The following HIPK2 variants were observed in gnomAD, a reference collection of about 807,000 sequenced individuals.
HIPK2 encodes homeodomain-interacting protein kinase 2.
HIPK2 carries 27 observed loss-of-function variants against 113.7 expected under a neutral mutation model. The observed-to-expected ratio is 0.24, with a 90% CI of 0.17 to 0.33. The LOEUF (loss-of-function observed/expected upper bound fraction) is 0.33, where lower values mean the gene tolerates loss of function less well. Ranked by LOEUF, HIPK2 falls within the 10% of genes least tolerant of loss-of-function variation. The pLI, the probability that HIPK2 is intolerant of heterozygous loss-of-function variation, is 1.00. For synonymous variants in HIPK2, 631 were observed against 642.2 expected, an observed-to-expected ratio of 0.98 and a Z score of 0.26; for missense variants, 1,257 against 1,588.0, an observed-to-expected ratio of 0.79 and a Z score of 3.54.
At chr7:139,695,673 C>T (rs1455914221) in intron 2 of HIPK2, among the ~76,000 whole-genome samples, 3 of 151,954 alleles carry the variant, frequency 2.0e-5, no homozygotes, top group Admixed American at 6.5e-5. Flanking sequence ...AGAACACACA[C>T]TCAAGATGAA....
At chr7:139,690,337 G>A (rs1271086726) in intron 2 of HIPK2, among the ~76,000 whole-genome samples, 2 of 152,180 alleles carry the variant, frequency 1.3e-5, no homozygotes, top group East Asian at 3.8e-4. Context: ...GCAGGCTGTG[G>A]ACAGATGCTG....
rs1465258214 is a variant in HIPK2 at position 139,564,598 on chromosome 7, A to C, written c.*8329T>G. The C allele has an allele frequency of 1.3e-5, 2 of 152,196 alleles. No homozygotes were observed. 9.4% of individuals were successfully genotyped at this position (152,196 alleles called of 1,614,324 possible). A position where few individuals can be genotyped will look rare whatever the true frequency, so the allele number is the denominator to read the frequency against. On this transcript the variant is annotated 3_prime_UTR_variant, in exon 15 of 15. Coordinates refer to ENST00000406875, the MANE Select transcript of HIPK2 (RefSeq NM_022740.5). ...CATGTTCTCTTGAGTTCACGTGGAA[A>C]GTAATAATCCAGAGGGAAGTGCGCA...
At chr7:139,657,391 A>C (rs1403964145) in intron 2 of HIPK2, among the ~76,000 whole-genome samples, 1 of 152,096 alleles carries the variant, frequency 6.6e-6, no homozygotes, top group African/African-American at 2.4e-5. Context: ...GTTCCTTCAG[A>C]CCTCGTCCAT....
rs1221938358 is a variant in HIPK2, at chr7:139,563,392, G to C, written c.*9535C>G. 1 of 153,474 alleles carries C rather than the reference G, an allele frequency of 6.5e-6. No homozygotes were observed. Among genetic ancestry groups the C allele is most frequent in the Non-Finnish European group, 1.5e-5 (1 of 68,738 alleles). 9.5% of individuals were successfully genotyped at this position (153,474 alleles called of 1,614,324 possible). A position where few individuals can be genotyped will look rare whatever the true frequency, so the allele number is the denominator to read the frequency against. Reference sequence around the variant, plus strand: ...GGGTGCCTTGGCCCAGGGCAGTGGTGACAGCAGGGTGGAGGCAGAGGTGGC... The same window carrying C: ...GGGTGCCTTGGCCCAGGGCAGTGGTCACAGCAGGGTGGAGGCAGAGGTGGC... On this transcript the variant is annotated 3_prime_UTR_variant, in exon 15 of 15. Transcript: ENST00000406875.
At chr7:139,626,870 T>C in intron 5 of HIPK2, 85 bp from the exon 6 acceptor site, 2 of 1,453,336 alleles carry the variant, frequency 1.4e-6, no homozygotes, top group Non-Finnish European at 1.9e-6. Context: ...GCCCTGTAAC[T>C]TCCTCCTGAT....
rs1254191064 is a variant in HIPK2, at chr7:139,777,924, C to A, written c.-301G>T. On this transcript the variant is annotated 5_prime_UTR_variant, in exon 1 of 15. Transcript: ENST00000406875. Reference sequence around the variant, plus strand: ...AGGCCGAGGCGCCGAGCGGCCGCGGCCCCCGAGCGGATCCGCGGAGGGGCG... The same window carrying A: ...AGGCCGAGGCGCCGAGCGGCCGCGGACCCCGAGCGGATCCGCGGAGGGGCG... 1 of 142,962 alleles carries A rather than the reference C, an allele frequency of 7.0e-6. No homozygotes were observed. The highest frequency in any genetic ancestry group is 2.1e-4 in the East Asian group (1 of 4,746). 8.9% of individuals were successfully genotyped at this position (142,962 alleles called of 1,614,324 possible). A position where few individuals can be genotyped will look rare whatever the true frequency, so the allele number is the denominator to read the frequency against.
chr7:139,642,095 G>A (rs1801046362), intron 2 of HIPK2, among the ~76,000 whole-genome samples: 1 of 152,216 alleles, frequency 6.6e-6, no homozygotes, highest in South Asian at 2.1e-4. Flanking sequence ...ATTATAAGGT[G>A]TACTCGAACT....
chr7:139,601,119 C>T (rs929390090), intron 10 of HIPK2, among the ~76,000 whole-genome samples: 1 of 151,944 alleles, frequency 6.6e-6, no homozygotes, highest in Non-Finnish European at 1.5e-5. Flanking sequence ...TGGGGTGCAC[C>T]TATGGGCCCA....
chr7:139,670,759 C>CTT (rs1156402912), intron 2 of HIPK2, among the ~76,000 whole-genome samples: 9 of 46,408 alleles, frequency 1.9e-4, no homozygotes, highest in Admixed American at 2.9e-4. Context: ...TTCTTTCTTT[C>CTT]TTTTTTTTTT....
chr7:139,756,640 GTCTCAAACTCCTGACT>G (rs1796367927), intron 1 of HIPK2, among the ~76,000 whole-genome samples: 1 of 152,186 alleles, frequency 6.6e-6, no homozygotes, highest in Non-Finnish European at 1.5e-5. Flanking sequence ...GGTCAGGCTG[GTCTCAAACTCCTGACT>G]TCAGGTGATC....
In HIPK2 at chr7:139,641,057, C is replaced by T. The variant is rs1383642613; in HGVS notation, c.1104-9332G>A. ...ATAACCAACAGTGAAGTACCTACCA[C>T]CTAGCTTTAGAAATAAAAACTCCCT... On this transcript the variant is annotated intron_variant, in intron 2 of 14. Transcript: ENST00000406875. Among the ~76,000 whole-genome samples, 4 of 151,840 alleles carry T rather than the reference C, an allele frequency of 2.6e-5. No individual in the cohort carries two copies. In the East Asian group the frequency reaches 7.7e-4, roughly 29 times the overall value.
chr7:139,643,502 A>C (rs1357472199), intron 2 of HIPK2, among the ~76,000 whole-genome samples: 1 of 152,192 alleles, frequency 6.6e-6, no homozygotes, highest in Non-Finnish European at 1.5e-5. Flanking sequence ...CCAGAGGAGA[A>C]GGTTGCATCT....
intron 1 of HIPK2, among the ~76,000 whole-genome samples, chr7:139,728,132 G>A (rs908453717): frequency 7.3e-5 from 11 of 151,700 alleles, no homozygotes; most frequent in East Asian, 3.9e-4. Flanking sequence ...TTATAGAGAC[G>A]GGGTCTCCCT....
intron 2 of HIPK2, among the ~76,000 whole-genome samples, chr7:139,655,504 C>T (rs1313721924): frequency 4.6e-5 from 7 of 152,158 alleles, no homozygotes; most frequent in East Asian, 1.9e-4. Flanking sequence ...GGAGTCTTTC[C>T]GCTTATCCGA....
At chr7:139,720,793 G>A (rs1037777694) in intron 1 of HIPK2, among the ~76,000 whole-genome samples, 3 of 152,232 alleles carry the variant, frequency 2.0e-5, no homozygotes, top group Non-Finnish European at 2.9e-5. Context: ...GGAAGGGGGC[G>A]GTCAGAGAGA....
intron 6 of HIPK2, 34 bp from the exon 7 acceptor site, chr7:139,620,597 A>T: frequency 6.2e-7 from 1 of 1,609,954 alleles, no homozygotes; most frequent in Non-Finnish European, 8.5e-7. Flanking sequence ...ATATTGAGAC[A>T]TAAGGGGAGG....
intron 2 of HIPK2, among the ~76,000 whole-genome samples, chr7:139,709,445 C>T (rs1794999875): frequency 6.6e-6 from 1 of 152,106 alleles, no homozygotes; most frequent in South Asian, 2.1e-4. Flanking sequence ...AAAGCTATGC[C>T]CCTTTTTGAA....
At chr7:139,763,748 C>A (rs1245702624) in intron 1 of HIPK2, among the ~76,000 whole-genome samples, 2 of 152,180 alleles carry the variant, frequency 1.3e-5, no homozygotes, top group African/African-American at 2.4e-5. Context: ...TGTTTGTAAC[C>A]CCAAAGTCAA....
intron 6 of HIPK2, 126 bp downstream of exon 6, chr7:139,626,475 T>C (rs1299213998): frequency 2.1e-6 from 2 of 956,080 alleles, no homozygotes; most frequent in African/African-American, 3.3e-5. Flanking sequence ...CTGTGGCTGC[T>C]TTCAGCTACA....
Sources: allele counts gnomAD v4.1 joint callset (sites outside exome capture counted in the v4.1 genomes callset), GRCh38; gene constraint gnomAD v4.1.1; transcripts MANE v1.5; gene names NCBI Gene and HGNC (gene_info 2026-07-23, HGNC 2026-07-21).